CHD1: variants seen among roughly 807,000 people sequenced by gnomAD.
The protein encoded by CHD1 is chromodomain helicase DNA binding protein 1, also known as ATP-dependent chromatin remodeler CHD1.
Under a neutral mutation model 224.2 loss-of-function variants are expected in CHD1, and 36 were observed. That is an observed-to-expected ratio of 0.16 (90% CI 0.12 to 0.21). The LOEUF is 0.21. Ranked by LOEUF, CHD1 falls within the 10% of genes least tolerant of loss-of-function variation. CHD1 has a pLI of 1.00. For missense variants in CHD1, 1,378 were observed against 1,994.8 expected (o/e 0.69, Z 5.89); for synonymous variants, 668 against 658.3 (o/e 1.01, Z -0.23).
intron 2 of CHD1, among the ~76,000 whole-genome samples, chr5:98,919,856 G>C (rs1382174956): frequency 2.0e-5 from 3 of 152,100 alleles, no homozygotes; most frequent in African/African-American, 7.2e-5. Context: ...TAAAAGCAGT[G>C]ACACTTGAAT....
At position 98,873,574 on chromosome 5, in the gene CHD1, A is replaced by C; in HGVS notation, c.3571+19T>G. The C allele has an allele frequency of 6.5e-7, 1 of 1,541,866 alleles. No individual in the cohort carries two copies. Among genetic ancestry groups the C allele is most frequent in the East Asian group, 2.4e-5 (1 of 42,040 alleles). On this transcript the variant is annotated intron_variant, in intron 26 of 35. Coordinates refer to ENST00000614616, the MANE Select transcript of CHD1 (RefSeq NM_001270.4). ...CTTTCATTTACTTCTCTTTTAAATC[A>C]CTCTCAGTTTAATGTTACCTGTTCG...
intron 34 of CHD1, 85 bp downstream of exon 34, chr5:98,858,879 C>A (rs1748246300): frequency 1.2e-6 from 1 of 819,384 alleles, no homozygotes; most frequent in Non-Finnish European, 1.8e-6. Context: ...AGGTAAGAAC[C>A]TTTTTTATCA....
In CHD1 at chr5:98,896,540, A is replaced by T. The variant is rs115578773; in HGVS notation, c.1494-98T>A. On this transcript the variant is annotated intron_variant, in intron 11 of 35. Transcript: ENST00000614616. ...TATATGTTTTTATGAAGTTAAATAA[A>T]ATTGATAGGTATTATATAGAATATA... The T allele has an allele frequency of 1.7e-3, 1,311 of 755,362 alleles. 8 individuals carry two copies. The African/African-American group carries it at 0.021, about 12-fold the overall frequency. The allele number at this position is 755,362 out of a possible 1,614,324, so 46.8% of individuals were successfully genotyped here. A position where few individuals can be genotyped will look rare whatever the true frequency, so the allele number is the denominator to read the frequency against.
At position 98,863,438 on chromosome 5, in the gene CHD1, G is replaced by C; in HGVS notation, c.4397C>G (p.Thr1466Arg). Residue 1466 changes from threonine to arginine, a missense_variant, in exon 32 of 36, where the codon ACA (threonine) becomes AGA (arginine). Coordinates refer to ENST00000614616, the MANE Select transcript of CHD1 (RefSeq NM_001270.4). The stretch of plus-strand genomic sequence containing the variant: ...CCATTGCTTAATTTGTTCAGGATTT[G>C]TATACTCTTTTAGACATTCTGTGAT... ...DHITECLKEY[T>R]NPEQIKQWRK... 6.3e-7 allele frequency: 1 copy of C among 1,583,882 alleles called. No individual in the cohort carries two copies.
intron 2 of CHD1, among the ~76,000 whole-genome samples, chr5:98,911,869 G>A (rs1011633307): frequency 1.3e-5 from 2 of 152,118 alleles, no homozygotes; most frequent in African/African-American, 4.8e-5. Context: ...AAAGAGATAC[G>A]ACAGTCAAAT....
At chr5:98,914,827 A>G (rs565518813) in intron 2 of CHD1, among the ~76,000 whole-genome samples, 5 of 152,292 alleles carry the variant, frequency 3.3e-5, no homozygotes, top group Admixed American at 2.0e-4. Flanking sequence ...ATGTTCCCAC[A>G]ATACTTTGCT....
chr5:98,901,100 GA>G lies in CHD1; in HGVS notation c.588-19del, dbSNP rs148373099. 8.0e-6 allele frequency: 12 copies of G among 1,504,544 alleles called. No individual in the cohort carries two copies. Among genetic ancestry groups the G allele is most frequent in the South Asian group, 2.6e-5 (2 of 76,900 alleles). The allele number at this position is 1,504,544 out of a possible 1,614,324, so 93.2% of individuals were successfully genotyped here. A position where few individuals can be genotyped will look rare whatever the true frequency, so the allele number is the denominator to read the frequency against. On this transcript the variant is annotated intron_variant, in intron 6 of 35. Transcript: ENST00000614616. Reference sequence around the variant, plus strand: ...ACTTAGATCTAGGAAAGTGCAAAGAGAAAAAAAAACAAGATTTGAGAAACTA... The same window carrying G: ...ACTTAGATCTAGGAAAGTGCAAAGAGAAAAAAAACAAGATTTGAGAAACTA...
chr5:98,926,919 G>T (rs917244395), intron 1 of CHD1, among the ~76,000 whole-genome samples: 2 of 42,382 alleles, frequency 4.7e-5, no homozygotes, highest in Non-Finnish European at 9.5e-5. Flanking sequence ...TAAATGAAGT[G>T]GGGGGGGGGG....
intron 32 of CHD1, among the ~76,000 whole-genome samples, chr5:98,862,185 C>A (rs1748530969): frequency 6.6e-6 from 1 of 152,130 alleles, no homozygotes; most frequent in South Asian, 2.1e-4. Flanking sequence ...AATAAAATTT[C>A]TCCAAGACAG....
rs1486181198 is a variant in CHD1 at position 98,891,747 on chromosome 5, G to A, written c.2180+778C>T. Among the ~76,000 whole-genome samples, 8 of 152,290 alleles carry A rather than the reference G, an allele frequency of 5.3e-5. No homozygotes were observed. In the East Asian group the frequency reaches 1.4e-3, roughly 26 times the overall value. On this transcript the variant is annotated intron_variant, in intron 15 of 35. Transcript: ENST00000614616. Reference sequence around the variant, plus strand: ...AATCATTTGAAACCAGAAGGTGGAGGTTGCAGTGAGCCAAGATTGTGCCAC... The same window carrying A: ...AATCATTTGAAACCAGAAGGTGGAGATTGCAGTGAGCCAAGATTGTGCCAC...
chr5:98,885,678 T>TG (rs34067280), intron 17 of CHD1, 29 bp from the exon 18 acceptor site: 1 of 1,198,610 alleles, frequency 8.3e-7, no homozygotes, highest in African/African-American at 1.9e-5. Flanking sequence ...AAATACTGCA[T>TG]AAACAGAATC....
rs1290730409 is a variant in CHD1, at chr5:98,893,448, G to A, written c.1959C>T (p.Leu653=). 6.2e-7 allele frequency: 1 copy of A among 1,606,496 alleles called. No homozygotes were observed. The highest frequency in any genetic ancestry group is 1.7e-5 in the Admixed American group (1 of 58,546). The change falls in exon 14 of 36, where the codon CTC becomes CTT. Residue 653 remains leucine (L), a synonymous_variant. Transcript: ENST00000614616. ...GTPLQNSLKE[L]WSLLHFIMPE... ...GCATAATGAAATGTAGCAAAGACCA[G>A]AGCTCTTTGAGGGAATTCTGTAGAG...
At chr5:98,919,278 T>C (rs920431518) in intron 2 of CHD1, among the ~76,000 whole-genome samples, 2 of 152,178 alleles carry the variant, frequency 1.3e-5, no homozygotes, top group Admixed American at 6.5e-5. Context: ...CTGTGCATCA[T>C]TGAATAAGCA....
At chr5:98,865,861 A>C (rs1183731779) in intron 31 of CHD1, among the ~76,000 whole-genome samples, 1 of 152,198 alleles carries the variant, frequency 6.6e-6, no homozygotes, top group Non-Finnish European at 1.5e-5. Flanking sequence ...ATTTAAGATT[A>C]ATGGAGAGGA....
chr5:98,898,990 A>T (rs1751517480), intron 8 of CHD1, among the ~76,000 whole-genome samples: 1 of 152,188 alleles, frequency 6.6e-6, no homozygotes, highest in South Asian at 2.1e-4. Context: ...GTTACCAAGG[A>T]TAGGTTTAGA....
chr5:98,908,902 T>C (rs1029189753), intron 2 of CHD1, among the ~76,000 whole-genome samples: 2 of 152,106 alleles, frequency 1.3e-5, no homozygotes, highest in Non-Finnish European at 2.9e-5. Context: ...TTTCTTAGGG[T>C]AAATTAAGGA....
At chr5:98,911,146 AATATATATAT>A (rs1158932549) in intron 2 of CHD1, among the ~76,000 whole-genome samples, 11 of 39,146 alleles carry the variant, frequency 2.8e-4, no homozygotes, top group African/African-American at 1.1e-3. Context: ...AAAAAAAAAA[AATATATATAT>A]ATATATATAT....
At chr5:98,920,881 A>G (rs1237798833) in intron 2 of CHD1, among the ~76,000 whole-genome samples, 2 of 152,138 alleles carry the variant, frequency 1.3e-5, no homozygotes, top group African/African-American at 2.4e-5. Flanking sequence ...GGTTTAGACC[A>G]TGAAAACTAA....
chr5:98,873,183 A>C (rs961640229), intron 26 of CHD1, among the ~76,000 whole-genome samples: 1 of 152,180 alleles, frequency 6.6e-6, no homozygotes, highest in South Asian at 2.1e-4. Context: ...CAGCAAAATA[A>C]GCATAATAAT....
Sources: allele counts gnomAD v4.1 joint callset (sites outside exome capture counted in the v4.1 genomes callset), GRCh38; gene constraint gnomAD v4.1.1; transcripts MANE v1.5; gene names NCBI Gene and HGNC (gene_info 2026-07-23, HGNC 2026-07-21).